ALS2CL: variants seen among roughly 807,000 people sequenced by gnomAD.
ALS2CL encodes the protein ALS2 C-terminal-like protein.
Under a neutral mutation model 127.9 loss-of-function variants are expected in ALS2CL, and 112 were observed. The ratio of observed to expected loss-of-function variants is 0.88; its 90% CI spans 0.75 to 1.02. The LOEUF is 1.02. Ranked by LOEUF, ALS2CL falls within the 50% of genes least tolerant of loss-of-function variation. The pLI is 0.00. For synonymous variants in ALS2CL, 519 were observed against 527.6 expected, an observed-to-expected ratio of 0.98 and a Z score of 0.22; for missense variants, 1,174 against 1,236.7, an observed-to-expected ratio of 0.95 and a Z score of 0.76.
In ALS2CL at chr3:46,671,866, A is replaced by G. The variant is rs1698420693; in HGVS notation, c.2684+18T>C. ...GACCCTGCCCCTGCCCTGCACCCCC[A>G]GCTCCTGACTGCCTCACCGGGCGCG... On this transcript the variant is annotated intron_variant, in intron 24 of 25. Transcript: ENST00000318962. 1 of 1,613,096 alleles carries G rather than the reference A, an allele frequency of 6.2e-7. No homozygotes were observed. The highest frequency in any genetic ancestry group is 2.2e-5 in the East Asian group (1 of 44,872).
At chr3:46,679,309 A>G (rs1157148064) in intron 14 of ALS2CL, 22 bp from the exon 15 acceptor site, 1 of 1,552,770 alleles carries the variant, frequency 6.4e-7, no homozygotes, top group Admixed American at 1.9e-5. Context: ...GAAGCCAGGG[A>G]GGGTAGAAAG....
intron 1 of ALS2CL, among the ~76,000 whole-genome samples, chr3:46,690,085 C>T (rs951669393): frequency 6.6e-6 from 1 of 152,194 alleles, no homozygotes; most frequent in Non-Finnish European, 1.5e-5. Context: ...AGTAAAGGCT[C>T]ATGGGTGTGA....
intron 1 of ALS2CL, among the ~76,000 whole-genome samples, chr3:46,690,691 G>A (rs1261586138): frequency 6.6e-6 from 1 of 152,228 alleles, no homozygotes. Context: ...CTCTCTCCTT[G>A]TCTCTGACAC....
intron 19 of ALS2CL, 85 bp from the exon 20 acceptor site, chr3:46,675,771 G>C: frequency 6.2e-7 from 1 of 1,600,616 alleles, no homozygotes; most frequent in Non-Finnish European, 8.5e-7. Context: ...GGCAAAAGCA[G>C]GTGGCCTCTC....
At chr3:46,683,096 T>C (rs1699480056) in intron 10 of ALS2CL, 34 bp downstream of exon 10, 5 of 1,519,984 alleles carry the variant, frequency 3.3e-6, no homozygotes, top group Non-Finnish European at 4.4e-6. Flanking sequence ...CCCCAGGGAG[T>C]CCCACCTTGC....
In ALS2CL at chr3:46,672,171, G is replaced by A; in HGVS notation, c.2503C>T (p.Leu835=). The A allele has an allele frequency of 6.2e-7, 1 of 1,614,090 alleles. No homozygotes were observed. The highest frequency in any genetic ancestry group is 8.5e-7 in the Non-Finnish European group (1 of 1,180,024). Residue 835 remains leucine, a synonymous_variant, in exon 23 of 26, where the codon CTG becomes TTG. Coordinates refer to ENST00000318962, the MANE Select transcript of ALS2CL (RefSeq NM_147129.5). The stretch of plus-strand genomic sequence containing the variant: ...TTCTGCAGGCACTCGGTGGCTGACA[G>A]GAAACACTTGTCCCTGACCAGGGAG... ...RYSLVRDKCF[L]SATECLQKIM...
intron 4 of ALS2CL, among the ~76,000 whole-genome samples, 181 bp downstream of exon 4, chr3:46,687,438 T>A (rs747956372): frequency 3.3e-5 from 5 of 152,232 alleles, no homozygotes; most frequent in Non-Finnish European, 5.9e-5. Context: ...GTTCCTGGCC[T>A]CACTGGGCCT....
chr3:46,671,838 T>C, intron 24 of ALS2CL, 46 bp downstream of exon 24: 7 of 1,607,904 alleles, frequency 4.4e-6, no homozygotes, highest in Non-Finnish European at 5.9e-6. Flanking sequence ...TGGTTGGGGG[T>C]GGGACCCTGC....
At position 46,671,036 on chromosome 3, in the gene ALS2CL, T is replaced by G; in HGVS notation, c.2810A>C (p.Asp937Ala). 6.2e-7 allele frequency: 1 copy of G among 1,614,130 alleles called. No individual in the cohort carries two copies. The highest frequency in any genetic ancestry group is 8.5e-7 in the Non-Finnish European group (1 of 1,180,002). ...ESCYEHIQKE[D>A]MRLHRLPGHW... ...GCCAGGTAAGCGGTGCAGCCTCATG[T>G]CTTCTTTCTGGATGTGCTCGTAACA... The change falls in exon 26 of 26, where the codon GAC (aspartate) becomes GCC (alanine). Residue 937 changes from aspartate to alanine, a missense_variant. By Grantham distance (126) the Asp-to-Ala change is moderately radical. Coordinates refer to ENST00000318962, the MANE Select transcript of ALS2CL (RefSeq NM_147129.5).
rs1367290161 is a variant in ALS2CL, at chr3:46,693,678, GT to G, written c.-62del. The stretch of plus-strand genomic sequence containing the variant: ...TGGTTGCCCCGCGCCGGGACTGCCT[GT>G]GCGGCTCCTCGCTCGCACCCCCACC... On this transcript the variant is annotated 5_prime_UTR_variant, in exon 1 of 26. Coordinates refer to ENST00000318962, the MANE Select transcript of ALS2CL (RefSeq NM_147129.5). 4 of 152,258 alleles carry G rather than the reference GT, an allele frequency of 2.6e-5. No homozygotes were observed. Among genetic ancestry groups the G allele is most frequent in the African/African-American group, 9.7e-5 (4 of 41,438 alleles). The allele number at this position is 152,258 out of a possible 1,614,324, so 9.4% of individuals were successfully genotyped here. A position where few individuals can be genotyped will look rare whatever the true frequency, so the allele number is the denominator to read the frequency against.
chr3:46,684,184 T>C, intron 7 of ALS2CL, 137 bp from the exon 8 acceptor site: 1 of 1,022,112 alleles, frequency 9.8e-7, no homozygotes, highest in Admixed American at 2.0e-5. Flanking sequence ...ACTGAGTCCC[T>C]CTCCCCTCTG....
Position 46,688,139 on chromosome 3 carries a change from C to T in ALS2CL, c.261G>A (p.Leu87=), listed in dbSNP as rs1237662594. The T allele has an allele frequency of 6.2e-7, 1 of 1,613,224 alleles. No homozygotes were observed. Among genetic ancestry groups the T allele is most frequent in the South Asian group, 1.1e-5 (1 of 91,088 alleles). ...GTACACGGTCAGCACCTCGCAGCAG[C>T]AGCAGGGACTCCAGACCGGTGGAGT... ...YPDSTGLESL[L]LLRGADRVLQ... is the part of the protein sequence containing the mutation. The change falls in exon 3 of 26, where the codon CTG becomes CTA. Residue 87 remains leucine, a synonymous_variant. Coordinates refer to ENST00000318962, the MANE Select transcript of ALS2CL (RefSeq NM_147129.5).
intron 20 of ALS2CL, chr3:46,675,183 C>T (rs1698712268): frequency 4.8e-6 from 1 of 209,056 alleles, no homozygotes; most frequent in Non-Finnish European, 9.6e-6. Context: ...ATCAGGAACA[C>T]TTTCAGGTCT....
chr3:46,673,069 T>C (rs1698534087), intron 22 of ALS2CL, among the ~76,000 whole-genome samples: 1 of 152,178 alleles, frequency 6.6e-6, no homozygotes, highest in Admixed American at 6.5e-5. Context: ...TGGCTCCCTT[T>C]TACTGATGAG....
At chr3:46,687,539 G>A in intron 4 of ALS2CL, 80 bp downstream of exon 4, 1 of 1,498,568 alleles carries the variant, frequency 6.7e-7, no homozygotes, top group South Asian at 1.2e-5. Context: ...CTGCTGCTCT[G>A]GGGAGGGGGC....
At chr3:46,680,181 T>C in intron 14 of ALS2CL, 1 of 503,266 alleles carries the variant, frequency 2.0e-6, no homozygotes, top group Non-Finnish European at 3.6e-6. Context: ...GTTAGTTCAT[T>C]GAGTCTATGG....
At position 46,686,836 on chromosome 3, in the gene ALS2CL, T is replaced by A. The variant is rs77881375; in HGVS notation, c.534+147A>T. The A allele has an allele frequency of 4.3e-4, 441 of 1,023,736 alleles. 1 individual carries two copies. The African/African-American group carries it at 6.5e-3, about 15-fold the overall frequency. 63.4% of individuals were successfully genotyped at this position (1,023,736 alleles called of 1,614,324 possible). ...TCCCCTGAAAACCACAGGACAGGCC[T>A]GTGACTTCCTCAACCCTCTCCCACC... On this transcript the variant is annotated intron_variant, in intron 5 of 25. Coordinates refer to ENST00000318962, the MANE Select transcript of ALS2CL (RefSeq NM_147129.5). The surrounding 1 kb of genome is among the most constrained non-coding windows in gnomAD (Gnocchi z 4.3).
intron 15 of ALS2CL, among the ~76,000 whole-genome samples, chr3:46,678,902 G>A (rs1394330804): frequency 6.6e-6 from 1 of 152,220 alleles, no homozygotes; most frequent in Non-Finnish European, 1.5e-5. Context: ...TGCCTCCAGG[G>A]ACAGCTGCTC....
At chr3:46,690,548 C>A (rs138482100) in intron 1 of ALS2CL, among the ~76,000 whole-genome samples, 2 of 152,332 alleles carry the variant, frequency 1.3e-5, no homozygotes, top group Admixed American at 6.5e-5. Flanking sequence ...AGGCTACAGG[C>A]TCTACTCCAA....
Sources: allele counts gnomAD v4.1 joint callset (sites outside exome capture counted in the v4.1 genomes callset), GRCh38; gene constraint gnomAD v4.1.1; non-coding constraint Gnocchi (gnomAD v3.1); transcripts MANE v1.5; gene names NCBI Gene and HGNC (gene_info 2026-07-23, HGNC 2026-07-21).